The following HDDC2 variants were observed in gnomAD, a reference collection of about 807,000 sequenced individuals.
HDDC2 encodes 5'-deoxynucleotidase HDDC2.
In HDDC2, 25 loss-of-function variants were observed where a neutral mutation model predicts 25.5. The ratio of observed to expected loss-of-function variants is 0.98; its 90% CI spans 0.72 to 1.37. The LOEUF (loss-of-function observed/expected upper bound fraction) is 1.37. Among genes scored for constraint, HDDC2 ranks in the 40% most tolerant of loss-of-function variants. HDDC2 has a pLI of 0.00. For missense variants in HDDC2, 264 were observed against 253.1 expected, an observed-to-expected ratio of 1.04 and a Z score of -0.29; for synonymous variants, 106 against 89.7, an observed-to-expected ratio of 1.18 and a Z score of -1.03.
At chr6:125,277,548 A>C in intron 4 of HDDC2, 1 of 263,292 alleles carries the variant, frequency 3.8e-6, no homozygotes, top group South Asian at 1.3e-4. Flanking sequence ...TCTTCATTTT[A>C]AGACCATTGT....
chr6:125,292,133 T>C (rs779177637), intron 4 of HDDC2, among the ~76,000 whole-genome samples: 4 of 152,032 alleles, frequency 2.6e-5, no homozygotes, highest in Non-Finnish European at 5.9e-5. Context: ...AGGCTATCTA[T>C]GAATAAGGGG....
At chr6:125,300,908 G>C (rs951053545) in intron 1 of HDDC2, among the ~76,000 whole-genome samples, 11 of 151,292 alleles carry the variant, frequency 7.3e-5, no homozygotes, top group Non-Finnish European at 1.6e-4. Flanking sequence ...AAATTATTCT[G>C]TTACTGATGT....
chr6:125,279,318 TGAG>T (rs2115100884), intron 4 of HDDC2: 1 of 152,072 alleles, frequency 6.6e-6, no homozygotes, highest in South Asian at 2.1e-4. Flanking sequence ...AGGGCCCACA[TGAG>T]GAGAAACTGC....
In HDDC2 at chr6:125,277,134, C is replaced by G; in HGVS notation, c.485G>C (p.Gly162Ala). 3.7e-6 allele frequency: 6 copies of G among 1,613,978 alleles called. No individual in the cohort carries two copies. The highest frequency in any genetic ancestry group is 5.1e-6 in the Non-Finnish European group (6 of 1,179,962). ...GGAATCATAGAAGTCTTGCAGTCTC[C>G]CAGGTTTGTGTTCAAGGTCTTCATA... ...SEYEDLEHKP[G>A]RLQDFYDSTA... The change falls in exon 5 of 6, where the codon GGG (glycine) becomes GCG (alanine). Residue 162 changes from glycine to alanine, a missense_variant. Transcript: ENST00000398153.
At chr6:125,293,012 CA>C (rs1248867236) in intron 3 of HDDC2, 103 bp from the exon 4 acceptor site, 1 of 895,382 alleles carries the variant, frequency 1.1e-6, no homozygotes, top group Non-Finnish European at 1.9e-6. Flanking sequence ...ACAACTCTCA[CA>C]GGGGCAGCAG....
chr6:125,283,614 G>A (rs955050584), intron 4 of HDDC2, among the ~76,000 whole-genome samples: 5 of 152,190 alleles, frequency 3.3e-5, no homozygotes, highest in East Asian at 3.9e-4. Flanking sequence ...TACAAGGAAT[G>A]TGAAGGACCT....
At chr6:125,289,406 C>T (rs950484677) in intron 4 of HDDC2, among the ~76,000 whole-genome samples, 2 of 130,808 alleles carry the variant, frequency 1.5e-5, no homozygotes, top group South Asian at 2.4e-4. Flanking sequence ...GGGTGCAGCG[C>T]ACCAGCATGG....
rs772348549 is a variant in HDDC2 at position 125,277,126 on chromosome 6, G to T, written c.493C>A (p.Gln165Lys). ...EDLEHKPGRLQDFYDSTAGKF... is the reference protein window; with the variant it reads ...EDLEHKPGRLKDFYDSTAGKF... ...CCTGCTGTGGAATCATAGAAGTCTT[G>T]CAGTCTCCCAGGTTTGTGTTCAAGG... Residue 165 changes from glutamine to lysine, a missense_variant, in exon 5 of 6, where the codon CAA becomes AAA. Coordinates refer to ENST00000398153, the MANE Select transcript of HDDC2 (RefSeq NM_016063.3). 1.2e-6 allele frequency: 2 copies of T among 1,614,030 alleles called. No individual in the cohort carries two copies. The highest frequency in any genetic ancestry group is 4.5e-5 in the East Asian group (2 of 44,872).
Position 125,300,609 on chromosome 6 carries a change from G to A in HDDC2, c.135C>T (p.Ser45=), listed in dbSNP as rs773511308. 5.0e-6 allele frequency: 8 copies of A among 1,614,056 alleles called. No homozygotes were observed. The highest frequency in any genetic ancestry group is 2.2e-5 in the South Asian group (2 of 91,074). Residue 45 remains serine, a synonymous_variant, in exon 2 of 6, where the codon AGC becomes AGT. Transcript: ENST00000398153. ...WVYRNVQRPE[S]VSDHMYRMAV... Reference sequence around the variant, plus strand: ...CCATCCGGTACATGTGATCTGAAACGCTCTCCGGCCTCTGGACATTTCTGT... The same window carrying A: ...CCATCCGGTACATGTGATCTGAAACACTCTCCGGCCTCTGGACATTTCTGT...
intron 4 of HDDC2, among the ~76,000 whole-genome samples, chr6:125,289,914 A>C (rs1047692249): frequency 6.6e-6 from 1 of 152,268 alleles, no homozygotes; most frequent in African/African-American, 2.4e-5. Context: ...TGGAGAAGAC[A>C]TCTTTCTGTG....
intron 4 of HDDC2, among the ~76,000 whole-genome samples, chr6:125,282,865 A>G (rs1000893319): frequency 2.6e-5 from 4 of 152,240 alleles, no homozygotes; most frequent in Admixed American, 2.6e-4. Flanking sequence ...TTGCAATCCT[A>G]GTCTCTGATA....
intron 4 of HDDC2, among the ~76,000 whole-genome samples, chr6:125,285,003 T>C (rs1220057943): frequency 6.6e-6 from 1 of 152,172 alleles, no homozygotes; most frequent in Non-Finnish European, 1.5e-5. Flanking sequence ...AATGAGTTCA[T>C]ATACTTTGCA....
At chr6:125,286,153 G>A (rs1410177558) in intron 4 of HDDC2, among the ~76,000 whole-genome samples, 1 of 152,118 alleles carries the variant, frequency 6.6e-6, no homozygotes, top group Non-Finnish European at 1.5e-5. Context: ...GCATTCATGA[G>A]GAACCTACTA....
chr6:125,293,696 C>G (rs1198145415), intron 3 of HDDC2, among the ~76,000 whole-genome samples: 1 of 152,152 alleles, frequency 6.6e-6, no homozygotes, highest in Non-Finnish European at 1.5e-5. Context: ...CTAACCCATC[C>G]CTCCTGCTTT....
intron 2 of HDDC2, chr6:125,300,267 A>C (rs1043760394): frequency 2.5e-6 from 1 of 397,684 alleles, no homozygotes; most frequent in Admixed American, 4.2e-5. Flanking sequence ...TTTAGACATA[A>C]CACACTCACC....
In HDDC2 at chr6:125,276,025, G is replaced by T; in HGVS notation, c.*121C>A. On this transcript the variant is annotated 3_prime_UTR_variant, in exon 6 of 6. Transcript: ENST00000398153. ...GTATCACATTTCTTGCTGAAGTTCAGACAATTGAAAACAAACAGACTCACA... is the reference window on the plus strand; with the variant it reads ...GTATCACATTTCTTGCTGAAGTTCATACAATTGAAAACAAACAGACTCACA... The T allele has an allele frequency of 2.7e-6, 2 of 733,778 alleles. No individual in the cohort carries two copies. Among genetic ancestry groups the T allele is most frequent in the South Asian group, 3.5e-5 (2 of 57,642 alleles). The allele number at this position is 733,778 out of a possible 1,614,324, so 45.5% of individuals were successfully genotyped here. A position where few individuals can be genotyped will look rare whatever the true frequency, so the allele number is the denominator to read the frequency against.
chr6:125,298,554 A>T, intron 3 of HDDC2, 160 bp downstream of exon 3: 1 of 621,104 alleles, frequency 1.6e-6, no homozygotes, highest in Non-Finnish European at 2.9e-6. Flanking sequence ...CAGGCCCTGA[A>T]TCTCTAAAAA....
intron 4 of HDDC2, among the ~76,000 whole-genome samples, chr6:125,285,759 G>GA (rs1183173001): frequency 2.0e-5 from 3 of 151,880 alleles, no homozygotes; most frequent in East Asian, 1.9e-4. Flanking sequence ...AGACTTAAAA[G>GA]AAAAAAAATC....
At chr6:125,295,768 T>G (rs1415811497) in intron 3 of HDDC2, among the ~76,000 whole-genome samples, 1 of 152,306 alleles carries the variant, frequency 6.6e-6, no homozygotes, top group East Asian at 1.9e-4. Flanking sequence ...CTCTGCCCTC[T>G]GTTTCAATAA....
Sources: gnomAD v4.1 joint callset for allele counts (sites outside exome capture counted in the v4.1 genomes callset) on GRCh38, gnomAD v4.1.1 for gene constraint, MANE v1.5 for transcripts, NCBI Gene and HGNC (gene_info 2026-07-23, HGNC 2026-07-21) for gene names.